The following CLASP1 variants were observed in gnomAD, a reference collection of about 807,000 sequenced individuals.
CLASP1 encodes the protein cytoplasmic linker associated protein 1, also known as CLIP-associating protein 1.
CLASP1 carries 38 observed loss-of-function variants against 192.3 expected under a neutral mutation model. That is an observed-to-expected ratio of 0.20 (90% CI 0.15 to 0.26). CLASP1 has a LOEUF of 0.26. Ranked by LOEUF, CLASP1 falls within the 10% of genes least tolerant of loss-of-function variation. The pLI is 1.00. For missense variants in CLASP1, 1,433 were observed against 1,932.5 expected (o/e 0.74, Z 4.85); for synonymous variants, 691 against 712.8 (o/e 0.97, Z 0.49).
At chr2:121,494,194 A>G (rs1242103287) in intron 8 of CLASP1, among the ~76,000 whole-genome samples, 3 of 152,242 alleles carry the variant, frequency 2.0e-5, no homozygotes, top group Admixed American at 1.3e-4. Context: ...ATTTTAAAGC[A>G]ACCTAAGTGT....
At chr2:121,600,125 T>C (rs1321867454) in intron 2 of CLASP1, among the ~76,000 whole-genome samples, 1 of 152,012 alleles carries the variant, frequency 6.6e-6, no homozygotes. Context: ...AGTTTCCAGG[T>C]TTCAGTAAAG....
chr2:121,550,997 A>T (rs2057991073), intron 2 of CLASP1, among the ~76,000 whole-genome samples: 1 of 152,232 alleles, frequency 6.6e-6, no homozygotes, highest in Non-Finnish European at 1.5e-5. Flanking sequence ...CAAATCCAGG[A>T]GCACATCAAA....
intron 37 of CLASP1, among the ~76,000 whole-genome samples, chr2:121,359,264 T>A (rs567117535): frequency 1.4e-4 from 22 of 152,348 alleles, no homozygotes; most frequent in African/African-American, 5.3e-4. Flanking sequence ...AAAAGCATAT[T>A]TCTATATCAT....
chr2:121,448,467 A>C, intron 17 of CLASP1, 142 bp from the exon 18 acceptor site: 1 of 722,328 alleles, frequency 1.4e-6, no homozygotes, highest in East Asian at 2.7e-5. Context: ...ACAATGTTGT[A>C]AACTCCCTGA....
At chr2:121,380,245 G>A (rs2071312161) in intron 33 of CLASP1, among the ~76,000 whole-genome samples, 1 of 152,164 alleles carries the variant, frequency 6.6e-6, no homozygotes, top group African/African-American at 2.4e-5. Context: ...AGTATATGAG[G>A]GAGCAGCAGG....
intron 5 of CLASP1, 108 bp from the exon 6 acceptor site, chr2:121,526,028 C>A (rs2094565929): frequency 2.7e-6 from 2 of 737,926 alleles, no homozygotes; most frequent in Non-Finnish European, 2.4e-6. Flanking sequence ...CCCATCACCA[C>A]CTCATACCAA....
At chr2:121,598,086 T>G (rs1017289895) in intron 2 of CLASP1, among the ~76,000 whole-genome samples, 3 of 152,164 alleles carry the variant, frequency 2.0e-5, no homozygotes, top group African/African-American at 7.2e-5. Flanking sequence ...TATTCAAAAT[T>G]TGGGGTTATT....
At chr2:121,493,501 T>C (rs1406710611) in intron 8 of CLASP1, among the ~76,000 whole-genome samples, 3 of 152,110 alleles carry the variant, frequency 2.0e-5, no homozygotes, top group Non-Finnish European at 4.4e-5. Context: ...CAAATCAAAA[T>C]GAATTAAAGA....
intron 13 of CLASP1, among the ~76,000 whole-genome samples, chr2:121,457,958 A>G (rs893376363): frequency 5.3e-5 from 8 of 152,242 alleles, no homozygotes; most frequent in African/African-American, 1.9e-4. Flanking sequence ...AACAGGCAAC[A>G]TGATGACATG....
intron 19 of CLASP1, among the ~76,000 whole-genome samples, chr2:121,437,720 T>C (rs912755832): frequency 5.9e-5 from 9 of 152,250 alleles, no homozygotes; most frequent in African/African-American, 9.6e-5. Context: ...TCACTAATGA[T>C]GATGCAGGTC....
chr2:121,563,268 G>A (rs1477077925), intron 2 of CLASP1, among the ~76,000 whole-genome samples: 2 of 152,144 alleles, frequency 1.3e-5, no homozygotes, highest in African/African-American at 4.8e-5. Flanking sequence ...TGCTGAACAG[G>A]CTGTCAAGAA....
intron 37 of CLASP1, among the ~76,000 whole-genome samples, chr2:121,361,581 C>T (rs1273379353): frequency 3.3e-5 from 5 of 152,066 alleles, no homozygotes; most frequent in African/African-American, 1.2e-4. Context: ...TTTCTTAAAA[C>T]ATTATGAAAA....
intron 26 of CLASP1, 51 bp from the exon 28 acceptor site, chr2:121,401,921 G>T (rs1003798226): frequency 2.9e-5 from 19 of 654,442 alleles, no homozygotes; most frequent in Non-Finnish European, 5.2e-5. Flanking sequence ...CAAATTCCAT[G>T]TTAGTTGGCA....
chr2:121,520,738 T>C (rs1377330932), intron 6 of CLASP1, among the ~76,000 whole-genome samples: 3 of 152,170 alleles, frequency 2.0e-5, no homozygotes, highest in Admixed American at 2.0e-4. Context: ...TTTTCTTATC[T>C]AGTCAAGGGA....
rs1574954196 is a variant in CLASP1, at chr2:121,448,866, A to G, written c.1691+87T>C. On this transcript the variant is annotated intron_variant, in intron 17 of 39. Coordinates refer to ENST00000263710, the Ensembl canonical transcript of CLASP1. ...GGGCGTTTTAACAAGCACCCATGTA[A>G]AAACATAGCTAGAATTTGTGTTTTC... The G allele has an allele frequency of 2.2e-6, 3 of 1,383,776 alleles. No homozygotes were observed. The East Asian group carries it at 7.3e-5, about 34-fold the overall frequency. 85.7% of individuals were successfully genotyped at this position (1,383,776 alleles called of 1,614,324 possible). A position where few individuals can be genotyped will look rare whatever the true frequency, so the allele number is the denominator to read the frequency against.
intron 2 of CLASP1, among the ~76,000 whole-genome samples, chr2:121,531,224 T>C (rs1204642464): frequency 6.6e-6 from 1 of 152,144 alleles, no homozygotes; most frequent in East Asian, 1.9e-4. Context: ...TGTAACTTCC[T>C]TATGCTGAGT....
At chr2:121,469,768 C>T (rs757582285) in intron 9 of CLASP1, 40 bp downstream of exon 9, 6 of 1,568,804 alleles carry the variant, frequency 3.8e-6, no homozygotes, top group Non-Finnish European at 5.2e-6. Context: ...GAAAAGCTGG[C>T]ATAGCTGACC....
At chr2:121,538,721 G>T (rs1219418138) in intron 2 of CLASP1, among the ~76,000 whole-genome samples, 14 of 151,260 alleles carry the variant, frequency 9.3e-5, no homozygotes, top group Admixed American at 9.2e-4. Context: ...GGAAGCAGAG[G>T]TTGCAGTGAG....
chr2:121,635,997 T>C, intron 1 of CLASP1, among the ~76,000 whole-genome samples: 1 of 151,622 alleles, frequency 6.6e-6, no homozygotes, highest in East Asian at 1.9e-4. Flanking sequence ...AGCCCAGGAG[T>C]TTGAGATCAG....
Sources: allele counts gnomAD v4.1 joint callset (sites outside exome capture counted in the v4.1 genomes callset), GRCh38; gene constraint gnomAD v4.1.1; transcripts MANE v1.5; gene names NCBI Gene and HGNC (gene_info 2026-07-23, HGNC 2026-07-21).